EXOC2: variants seen among roughly 807,000 people sequenced by gnomAD.
The protein encoded by EXOC2 is SEC5-like 1.
A neutral mutation model predicts 131.8 loss-of-function variants in EXOC2; 70 were observed. That is an observed-to-expected ratio of 0.53 (90% confidence interval 0.44 to 0.65). EXOC2 has a LOEUF of 0.65. Ranked by LOEUF, EXOC2 falls within the 30% of genes least tolerant of loss-of-function variation. EXOC2 has a pLI of 0.00. For synonymous variants in EXOC2, 411 were observed against 398.4 expected (o/e 1.03, Z -0.38); for missense variants, 923 against 1,108.6 (o/e 0.83, Z 2.38).
At chr6:658,782 CT>C (rs1763281620) in intron 1 of EXOC2, among the ~76,000 whole-genome samples, 1 of 151,080 alleles carries the variant, frequency 6.6e-6, no homozygotes, top group African/African-American at 2.4e-5. Context: ...TTGCCTCAGC[CT>C]CCCGAGTAGC....
At chr6:652,533 A>C (rs566361090) in intron 1 of EXOC2, among the ~76,000 whole-genome samples, 181 of 152,342 alleles carry the variant, frequency 1.2e-3, no homozygotes, top group African/African-American at 4.1e-3. Context: ...TTACTGCATA[A>C]GCCACCAAAA....
intron 13 of EXOC2, among the ~76,000 whole-genome samples, chr6:570,167 G>T (rs368631116): frequency 4.8e-5 from 7 of 144,540 alleles, no homozygotes; most frequent in East Asian, 2.0e-4. Flanking sequence ...GGAGTCTCGC[G>T]CTGTCGCCCA....
intron 13 of EXOC2, among the ~76,000 whole-genome samples, chr6:571,385 A>T (rs771078731): frequency 2.0e-5 from 3 of 152,246 alleles, no homozygotes; most frequent in Non-Finnish European, 4.4e-5. Flanking sequence ...ATAGGTTAGA[A>T]AACCAACCAT....
intron 20 of EXOC2, among the ~76,000 whole-genome samples, chr6:554,850 A>T (rs1310479385): frequency 6.6e-6 from 1 of 152,238 alleles, no homozygotes; most frequent in Non-Finnish European, 1.5e-5. Context: ...ACTAAGCTTG[A>T]CATAATTCTA....
chr6:625,547 C>G (rs1315657077), intron 4 of EXOC2, among the ~76,000 whole-genome samples: 1 of 113,174 alleles, frequency 8.8e-6, no homozygotes, highest in East Asian at 2.6e-4. Context: ...TTTTGTCTGA[C>G]CCAGTTTCTG....
At chr6:641,062 T>A (rs759003010) in intron 1 of EXOC2, among the ~76,000 whole-genome samples, 4 of 152,070 alleles carry the variant, frequency 2.6e-5, no homozygotes, top group Non-Finnish European at 5.9e-5. Flanking sequence ...AATAATGTAG[T>A]AACTGACCAC....
intron 1 of EXOC2, among the ~76,000 whole-genome samples, chr6:647,977 C>T (rs1229536608): frequency 6.6e-6 from 1 of 152,078 alleles, no homozygotes; most frequent in Non-Finnish European, 1.5e-5. Flanking sequence ...AACTGAAAAG[C>T]CAACAGGCAT....
rs540595226 is a variant in EXOC2 at position 487,873 on chromosome 6, C to T, written c.2681+1106G>A. Among the ~76,000 whole-genome samples, 10 of 152,270 alleles carry T rather than the reference C, an allele frequency of 6.6e-5. No individual in the cohort carries two copies. The East Asian group carries it at 1.9e-3, about 29-fold the overall frequency. On this transcript the variant is annotated intron_variant, in intron 27 of 27. Transcript: ENST00000230449. The stretch of plus-strand genomic sequence containing the variant: ...CAGCAAATCTAAAATATAGTCCTGA[C>T]CTGGGGCCATTTCAGGGTGTGTATT...
chr6:596,186 C>T lies in EXOC2; in HGVS notation c.1073+1835G>A, dbSNP rs117182755. Among the ~76,000 whole-genome samples the T allele has an allele frequency of 2.0e-3, 297 of 151,824 alleles. 10 individuals are homozygous for T. In the East Asian group the frequency reaches 0.05, roughly 25 times the overall value. On this transcript the variant is annotated intron_variant, in intron 10 of 27. Transcript: ENST00000230449. Reference sequence around the variant, plus strand: ...GGTGGCAGCATGCAAACACAGCACCCTCTCTTCATCCCACCGCCACTGCCT... The same window carrying T: ...GGTGGCAGCATGCAAACACAGCACCTTCTCTTCATCCCACCGCCACTGCCT...
At chr6:612,865 T>C (rs981468716) in intron 6 of EXOC2, among the ~76,000 whole-genome samples, 3 of 152,200 alleles carry the variant, frequency 2.0e-5, no homozygotes, top group African/African-American at 7.2e-5. Flanking sequence ...TGACCCACAG[T>C]TGTTCTTGAA....
chr6:527,710 C>T (rs1354011569), intron 23 of EXOC2, among the ~76,000 whole-genome samples: 1 of 152,148 alleles, frequency 6.6e-6, no homozygotes, highest in African/African-American at 2.4e-5. Flanking sequence ...TAAAGTTTTC[C>T]CTTTCCCATT....
intron 11 of EXOC2, among the ~76,000 whole-genome samples, chr6:581,248 A>G (rs776278548): frequency 2.0e-5 from 3 of 151,908 alleles, no homozygotes; most frequent in African/African-American, 4.8e-5. Flanking sequence ...GAATGCCAAG[A>G]TCACATCACC....
intron 1 of EXOC2, 118 bp downstream of exon 1, chr6:692,901 G>A (rs1765016488): frequency 6.6e-6 from 1 of 151,560 alleles, no homozygotes; most frequent in Admixed American, 6.5e-5. Context: ...GGCGCCAGTG[G>A]GCGCGGCTGT....
intron 1 of EXOC2, among the ~76,000 whole-genome samples, chr6:677,345 A>T (rs72494590): frequency 0.05 from 7,675 of 152,340 alleles, 305 homozygotes; most frequent in South Asian, 0.17. Context: ...TTTTGTGTTT[A>T]GTGCACAGTT....
rs1410213288 is a variant in EXOC2 at position 485,838 on chromosome 6, C to T, written c.*833G>A. On this transcript the variant is annotated 3_prime_UTR_variant, in exon 28 of 28. Coordinates refer to ENST00000230449, the MANE Select transcript of EXOC2 (RefSeq NM_018303.6). ...GCGGGCAGGGAGTTGGCCGTCCACGCGGAGCCTGGCCTTTCCGTTAGGGGA... is the reference window on the plus strand; with the variant it reads ...GCGGGCAGGGAGTTGGCCGTCCACGTGGAGCCTGGCCTTTCCGTTAGGGGA... 2.0e-5 allele frequency: 3 copies of T among 152,288 alleles called. No homozygotes were observed. Among genetic ancestry groups the T allele is most frequent in the African/African-American group, 4.8e-5 (2 of 41,460 alleles). The allele number at this position is 152,288 out of a possible 1,614,324, so 9.4% of individuals were successfully genotyped here. A position where few individuals can be genotyped will look rare whatever the true frequency, so the allele number is the denominator to read the frequency against.
chr6:533,581 G>A (rs897937213), intron 22 of EXOC2, among the ~76,000 whole-genome samples: 7 of 152,178 alleles, frequency 4.6e-5, no homozygotes, highest in Non-Finnish European at 1.5e-5. Context: ...CCTTGGCACA[G>A]TTCAGCTGCA....
At chr6:604,794 C>A (rs554344205) in intron 7 of EXOC2, among the ~76,000 whole-genome samples, 4 of 151,044 alleles carry the variant, frequency 2.6e-5, no homozygotes, top group Admixed American at 2.6e-4. Flanking sequence ...ACGCGCTGGC[C>A]CCGCGGGGAC....
chr6:605,733 C>T (rs938484885), intron 7 of EXOC2, among the ~76,000 whole-genome samples: 2 of 152,054 alleles, frequency 1.3e-5, no homozygotes, highest in South Asian at 2.1e-4. Context: ...TTATTTCTTG[C>T]CTTCTGCTCG....
At chr6:550,251 A>G (rs1461969590) in intron 21 of EXOC2, among the ~76,000 whole-genome samples, 1 of 152,226 alleles carries the variant, frequency 6.6e-6, no homozygotes, top group Admixed American at 6.5e-5. Context: ...AGAATAACTT[A>G]CAGGAAAGTA....
Sources: allele counts gnomAD v4.1 joint callset (sites outside exome capture counted in the v4.1 genomes callset), GRCh38; gene constraint gnomAD v4.1.1; transcripts MANE v1.5; gene names NCBI Gene and HGNC (gene_info 2026-07-23, HGNC 2026-07-21).